Variants in STON2 observed in about 807,000 individuals in gnomAD.
STON2 encodes stonin 2, also known as stonin-2.
STON2 carries 29 observed loss-of-function variants against 65.7 expected under a neutral mutation model. The observed-to-expected ratio is 0.44, with a 90% CI of 0.33 to 0.60. The LOEUF is 0.60. STON2 is among the 20% of genes least tolerant of loss of function. The pLI is 0.03. For synonymous variants in STON2, 404 were observed against 414.2 expected (o/e 0.98, Z 0.30); for missense variants, 1,054 against 1,118.1 (o/e 0.94, Z 0.82).
Position 81,349,704 on chromosome 14 carries a change from G to A in STON2, c.571+21284C>T, listed in dbSNP as rs1339743503. On this transcript the variant is annotated intron_variant, in intron 4 of 7. Coordinates refer to ENST00000614646, the MANE Select transcript of STON2 (RefSeq NM_001394390.1). The stretch of plus-strand genomic sequence containing the variant: ...AAAACTAAAAATAAAACTACTATAT[G>A]ATCCAGCAATACCATTACTGGGTAT... Among the ~76,000 whole-genome samples, 14 of 152,210 alleles carry A rather than the reference G, an allele frequency of 9.2e-5. No individual in the cohort carries two copies. The East Asian group carries it at 2.5e-3, about 27-fold the overall frequency.
chr14:81,414,903 G>A (rs1247302886), intron 2 of STON2, among the ~76,000 whole-genome samples: 1 of 152,174 alleles, frequency 6.6e-6, no homozygotes, highest in African/African-American at 2.4e-5. Context: ...TGTGGGTGAG[G>A]ATGCTTGCTG....
At chr14:81,360,746 A>G (rs926903656) in intron 4 of STON2, among the ~76,000 whole-genome samples, 1 of 152,178 alleles carries the variant, frequency 6.6e-6, no homozygotes, top group African/African-American at 2.4e-5. Flanking sequence ...CTGTTTGTTG[A>G]TAACATAATC....
At chr14:81,279,292 A>C (rs1012759599) in intron 5 of STON2, among the ~76,000 whole-genome samples, 1 of 152,216 alleles carries the variant, frequency 6.6e-6, no homozygotes, top group Non-Finnish European at 1.5e-5. Flanking sequence ...AATAAGAAAA[A>C]CACAAAAACC....
intron 2 of STON2, among the ~76,000 whole-genome samples, chr14:81,409,424 T>A (rs1008955483): frequency 1.3e-5 from 1 of 76,076 alleles, no homozygotes; most frequent in Non-Finnish European, 2.6e-5. Context: ...TAAAAATAAA[T>A]ATAAAAATAT....
intron 2 of STON2, 26 bp from the exon 3 acceptor site, chr14:81,396,204 T>C (rs1167447976): frequency 6.4e-7 from 1 of 1,570,104 alleles, no homozygotes; most frequent in Non-Finnish European, 8.6e-7. Context: ...GACGCCACCA[T>C]CATGTGAGGA....
Position 81,336,004 on chromosome 14 carries a change from C to T in STON2, c.572-11817G>A, listed in dbSNP as rs191155913. Among the ~76,000 whole-genome samples the T allele has an allele frequency of 7.8e-3, 1,185 of 152,094 alleles. 11 individuals are homozygous for T. Among genetic ancestry groups the T allele is most frequent in the Non-Finnish European group, 0.012 (805 of 67,984 alleles). ...GGTTATGAGTGTCTGGTAGGGGCTA[C>T]TCAGGACTGAGTAGGGGTATGGCAG... On this transcript the variant is annotated intron_variant, in intron 4 of 7. Coordinates refer to ENST00000614646, the MANE Select transcript of STON2 (RefSeq NM_001394390.1).
intron 4 of STON2, among the ~76,000 whole-genome samples, chr14:81,355,250 C>A (rs997559571): frequency 6.6e-5 from 10 of 152,118 alleles, no homozygotes; most frequent in African/African-American, 2.4e-4. Context: ...TTGAAAATTT[C>A]TCTAACCTGA....
intron 2 of STON2, among the ~76,000 whole-genome samples, chr14:81,424,319 CT>C (rs1901859433): frequency 6.6e-6 from 1 of 152,026 alleles, no homozygotes; most frequent in Admixed American, 6.6e-5. Context: ...TGGCGCACAC[CT>C]AAAACCCCAG....
At chr14:81,393,651 G>A (rs1048619045) in intron 3 of STON2, among the ~76,000 whole-genome samples, 1 of 152,208 alleles carries the variant, frequency 6.6e-6, no homozygotes, top group Non-Finnish European at 1.5e-5. Flanking sequence ...ATGATATGAA[G>A]TAGCTAAGGC....
At chr14:81,407,719 T>C (rs1442010336) in intron 2 of STON2, among the ~76,000 whole-genome samples, 3 of 152,140 alleles carry the variant, frequency 2.0e-5, no homozygotes, top group African/African-American at 7.2e-5. Flanking sequence ...AAAGGTCAAA[T>C]CAAAAGCTAC....
In STON2 at chr14:81,265,705, ATTTG is replaced by A. The variant is rs1438372566; in HGVS notation, c.*2705_*2708del. The A allele has an allele frequency of 2.6e-6, 2 of 760,038 alleles. No homozygotes were observed. The highest frequency in any genetic ancestry group is 3.2e-6 in the Non-Finnish European group (2 of 626,422). 47.1% of individuals were successfully genotyped at this position (760,038 alleles called of 1,614,324 possible). A position where few individuals can be genotyped will look rare whatever the true frequency, so the allele number is the denominator to read the frequency against. ...TGTCTCAATAATAATAATAATAATA[ATTTG>A]TTTGCAGAATATAGATAGCATAGAA... On this transcript the variant is annotated 3_prime_UTR_variant, in exon 8 of 8. Transcript: ENST00000614646.
chr14:81,303,695 T>A (rs1896059498), intron 5 of STON2, among the ~76,000 whole-genome samples: 1 of 152,192 alleles, frequency 6.6e-6, no homozygotes, highest in Non-Finnish European at 1.5e-5. Context: ...CTGGACTGGA[T>A]TTTGCCTTCA....
intron 4 of STON2, among the ~76,000 whole-genome samples, chr14:81,354,791 G>A (rs147433930): frequency 7.9e-5 from 12 of 152,274 alleles, no homozygotes; most frequent in African/African-American, 2.9e-4. Flanking sequence ...GGCCAAGGAG[G>A]GCGGATCATG....
intron 5 of STON2, among the ~76,000 whole-genome samples, chr14:81,302,643 C>G (rs1402504664): frequency 6.6e-6 from 1 of 152,210 alleles, no homozygotes; most frequent in African/African-American, 2.4e-5. Context: ...CAAACTGATA[C>G]AGAGGGTGTT....
rs776221588 is a variant in STON2 at position 81,277,220 on chromosome 14, A to C, written c.2262T>G (p.Asn754Lys). The change falls in exon 6 of 8, where the codon AAT becomes AAG. Residue 754 changes from asparagine (N) to lysine (K), a missense_variant. By Grantham distance (94) the Asn-to-Lys change is moderately conservative. Transcript: ENST00000614646. ...AGCTCTGCACCTCCACCTCTGCCCC[A>C]TTGACACTTGTGGCCGTCCTGAGTG... ...PFTLRTATSV[N>K]GAEVEVQSWL... 1 of 1,614,174 alleles carries C rather than the reference A, an allele frequency of 6.2e-7. No individual in the cohort carries two copies. Among genetic ancestry groups the C allele is most frequent in the East Asian group, 2.2e-5 (1 of 44,880 alleles).
chr14:81,339,231 C>T (rs551425201), intron 4 of STON2, among the ~76,000 whole-genome samples: 3 of 152,146 alleles, frequency 2.0e-5, no homozygotes, highest in Non-Finnish European at 2.9e-5. Context: ...AACACAGCTA[C>T]CCTAAAACAT....
At chr14:81,416,808 C>T (rs1248804480) in intron 2 of STON2, among the ~76,000 whole-genome samples, 1 of 152,174 alleles carries the variant, frequency 6.6e-6, no homozygotes, top group Non-Finnish European at 1.5e-5. Flanking sequence ...ACATAAGGGT[C>T]TGGTTTTATC....
intron 5 of STON2, among the ~76,000 whole-genome samples, chr14:81,309,298 G>A (rs1314943714): frequency 6.6e-6 from 1 of 151,624 alleles, no homozygotes. Context: ...TATTAGATCT[G>A]AACTATTAAA....
chr14:81,423,995 T>A (rs1049983841), intron 2 of STON2, among the ~76,000 whole-genome samples: 2 of 152,158 alleles, frequency 1.3e-5, no homozygotes, highest in Admixed American at 6.5e-5. Flanking sequence ...ACATCCCCTA[T>A]GTTTAAAGTA....
Sources: allele counts gnomAD v4.1 joint callset (sites outside exome capture counted in the v4.1 genomes callset), GRCh38; gene constraint gnomAD v4.1.1; transcripts MANE v1.5; gene names NCBI Gene and HGNC (gene_info 2026-07-23, HGNC 2026-07-21).